SHC4: variants seen among roughly 807,000 people sequenced by gnomAD.
SHC4 encodes SHC-transforming protein 4.
A neutral mutation model predicts 69.4 loss-of-function variants in SHC4; 41 were observed. The ratio of observed to expected loss-of-function variants is 0.59; its 90% CI spans 0.46 to 0.77. The LOEUF (loss-of-function observed/expected upper bound fraction) is 0.77. Ranked by LOEUF, SHC4 falls within the 30% of genes least tolerant of loss-of-function variation. The pLI is 0.00. For missense variants in SHC4, 777 were observed against 783.8 expected (o/e 0.99, Z 0.10); for synonymous variants, 318 against 299.3 (o/e 1.06, Z -0.64).
At chr15:48,860,061 GAAGA>G (rs915003959) in intron 6 of SHC4, among the ~76,000 whole-genome samples, 21 of 151,964 alleles carry the variant, frequency 1.4e-4, no homozygotes, top group African/African-American at 4.4e-4. Context: ...AGAAAGAAAG[GAAGA>G]AAGAGAGAGA....
chr15:48,925,718 G>A (rs976159193), intron 1 of SHC4, among the ~76,000 whole-genome samples: 9 of 152,178 alleles, frequency 5.9e-5, no homozygotes, highest in East Asian at 3.9e-4. Flanking sequence ...CATGGCAGGC[G>A]TGATGCGATT....
chr15:48,861,029 A>C (rs187828193), intron 6 of SHC4, among the ~76,000 whole-genome samples: 10 of 152,296 alleles, frequency 6.6e-5, no homozygotes, highest in Non-Finnish European at 1.5e-5. Flanking sequence ...ATTTATCTCA[A>C]CTTTTCTGAT....
At chr15:48,860,283 G>T (rs1282867679) in intron 6 of SHC4, among the ~76,000 whole-genome samples, 1 of 152,068 alleles carries the variant, frequency 6.6e-6, no homozygotes, top group African/African-American at 2.4e-5. Flanking sequence ...GGAGGCTGAG[G>T]CAGGTGGATC....
At chr15:48,931,448 T>C (rs988336533) in intron 1 of SHC4, among the ~76,000 whole-genome samples, 1 of 152,190 alleles carries the variant, frequency 6.6e-6, no homozygotes. Context: ...TACTTACATT[T>C]CTGATCTAAA....
chr15:48,903,269 C>T (rs1178788091), intron 2 of SHC4, among the ~76,000 whole-genome samples: 1 of 152,186 alleles, frequency 6.6e-6, no homozygotes, highest in Non-Finnish European at 1.5e-5. Context: ...GAGAGATGCA[C>T]CAACTGTCCT....
chr15:48,885,053 G>C (rs75508465), intron 3 of SHC4, among the ~76,000 whole-genome samples: 11,730 of 152,266 alleles, frequency 0.077, 545 homozygotes, highest in Middle Eastern at 0.19. Flanking sequence ...TTTAGAGGCA[G>C]ATCCTGAGGA....
chr15:48,835,005 G>T lies in SHC4; in HGVS notation c.1501C>A (p.Gln501Lys). 3 of 1,611,594 alleles carry T rather than the reference G, an allele frequency of 1.9e-6. No individual in the cohort carries two copies. The highest frequency in any genetic ancestry group is 1.1e-5 in the South Asian group (1 of 90,698). ...WHCGKAPETVQPGATAQPASS... is the reference protein window; with the variant it reads ...WHCGKAPETVKPGATAQPASS... Reference sequence around the variant, plus strand: ...GCAGGCTGGGCTGTGGCACCCGGCTGAACAGTTTCTGGTGCCTCTGAAGTC... The same window carrying T: ...GCAGGCTGGGCTGTGGCACCCGGCTTAACAGTTTCTGGTGCCTCTGAAGTC... Residue 501 changes from glutamine to lysine, a missense_variant, in exon 11 of 12, where the codon CAG (glutamine) becomes AAG (lysine). Physicochemically the swap from Gln to Lys is moderately conservative, Grantham distance 53 (BLOSUM62 1). Coordinates refer to ENST00000332408, the MANE Select transcript of SHC4 (RefSeq NM_203349.4).
intron 1 of SHC4, among the ~76,000 whole-genome samples, chr15:48,936,346 TC>T (rs2141030889): frequency 6.6e-6 from 1 of 152,300 alleles, no homozygotes; most frequent in Non-Finnish European, 1.5e-5. Flanking sequence ...TTCTGTTTGC[TC>T]TTACAAAAGG....
At chr15:48,828,649 C>G (rs1282997755) in intron 11 of SHC4, among the ~76,000 whole-genome samples, 1 of 152,158 alleles carries the variant, frequency 6.6e-6, no homozygotes, top group South Asian at 2.1e-4. Flanking sequence ...TCTTCATATC[C>G]TTGCGAACAC....
At chr15:48,878,077 G>T (rs1899852443) in intron 4 of SHC4, 1 of 1,464,230 alleles carries the variant, frequency 6.8e-7, no homozygotes, top group South Asian at 1.4e-5. Context: ...TGCGCGCGGG[G>T]TTACGCAAGC....
At chr15:48,871,943 TCA>T in intron 5 of SHC4, 144 bp downstream of exon 5, 2 of 577,896 alleles carry the variant, frequency 3.5e-6, no homozygotes, top group Admixed American at 3.6e-5. Flanking sequence ...ATGTAGCTAT[TCA>T]CAGACTGTAA....
chr15:48,956,682 A>C (rs1276210416), intron 1 of SHC4, among the ~76,000 whole-genome samples: 2 of 152,028 alleles, frequency 1.3e-5, no homozygotes, highest in African/African-American at 4.8e-5. Flanking sequence ...GCCTCCACCC[A>C]TGCCAGTATA....
At chr15:48,834,673 C>T in intron 11 of SHC4, 96 bp downstream of exon 11, 8 of 1,518,498 alleles carry the variant, frequency 5.3e-6, no homozygotes, top group Non-Finnish European at 7.1e-6. Context: ...AAATACTTAG[C>T]CTTGAGCACT....
chr15:48,879,463 T>C (rs1899896724), intron 4 of SHC4: 1 of 167,058 alleles, frequency 6.0e-6, no homozygotes, highest in Non-Finnish European at 1.5e-5. Context: ...AATTAAAAAG[T>C]TTCAAATCTA....
At position 48,880,369 on chromosome 15, in the gene SHC4, G is replaced by T. The variant is rs191867793; in HGVS notation, c.840+3879C>A. Among the ~76,000 whole-genome samples, 188 of 152,276 alleles carry T rather than the reference G, an allele frequency of 1.2e-3. 1 individual carries two copies. The highest frequency in any genetic ancestry group is 4.1e-3 in the African/African-American group (172 of 41,550). On this transcript the variant is annotated intron_variant, in intron 4 of 11. Coordinates refer to ENST00000332408, the MANE Select transcript of SHC4 (RefSeq NM_203349.4). ...CTCTTCCACTGCTTTCTCAATTAGC[G>T]TGCAGCTACGGTCAGATGAGTGTGG... is the stretch of plus-strand genomic sequence containing the variant.
chr15:48,886,580 G>A (rs967079294), intron 3 of SHC4, among the ~76,000 whole-genome samples: 8 of 152,158 alleles, frequency 5.3e-5, no homozygotes, highest in Middle Eastern at 3.4e-3. Flanking sequence ...AGACAACTCC[G>A]GAACCCCCTC....
In SHC4 at chr15:48,962,593, C is replaced by T. The variant is rs766292344; in HGVS notation, c.423G>A (p.Gly141=). The stretch of plus-strand genomic sequence containing the variant: ...GGTCCTGCTGCGGTGGAGGTGCAGT[C>T]CCGGACCTACTTAAACTGGTTTCTG... ...SSPETSLSRS[G]TAPPPQQDLV... is the part of the protein sequence containing the mutation. Residue 141 remains glycine, a synonymous_variant, in exon 1 of 12, where the codon GGG becomes GGA. Coordinates refer to ENST00000332408, the MANE Select transcript of SHC4 (RefSeq NM_203349.4). 6.2e-7 allele frequency: 1 copy of T among 1,613,666 alleles called. No homozygotes were observed. Among genetic ancestry groups the T allele is most frequent in the Non-Finnish European group, 8.5e-7 (1 of 1,179,748 alleles).
At chr15:48,927,073 G>A (rs1900867124) in intron 1 of SHC4, among the ~76,000 whole-genome samples, 2 of 152,164 alleles carry the variant, frequency 1.3e-5, no homozygotes, top group African/African-American at 4.8e-5. Flanking sequence ...CTCTTCAACT[G>A]TAAGTGTTAT....
intron 10 of SHC4, among the ~76,000 whole-genome samples, chr15:48,837,554 T>G (rs1898921699): frequency 6.6e-6 from 1 of 152,084 alleles, no homozygotes; most frequent in South Asian, 2.1e-4. Context: ...ATATGGTTAT[T>G]TATATATAAT....
Sources: allele counts gnomAD v4.1 joint callset (sites outside exome capture counted in the v4.1 genomes callset), GRCh38; gene constraint gnomAD v4.1.1; transcripts MANE v1.5; gene names NCBI Gene and HGNC (gene_info 2026-07-23, HGNC 2026-07-21).